Variants in TMC1 observed in about 807,000 individuals in gnomAD.
TMC1 encodes the protein transmembrane channel like 1.
A neutral mutation model predicts 105.8 loss-of-function variants in TMC1; 84 were observed. The ratio of observed to expected loss-of-function variants is 0.79; its 90% confidence interval spans 0.67 to 0.95. The LOEUF (loss-of-function observed/expected upper bound fraction) is 0.95, where lower values mean the gene tolerates loss of function less well. Among genes scored for constraint, TMC1 ranks in the 40% least tolerant of loss-of-function variants. The pLI is 0.00. For missense variants in TMC1, 817 were observed against 914.1 expected, an observed-to-expected ratio of 0.89 and a Z score of 1.37; for synonymous variants, 315 against 311.5, an observed-to-expected ratio of 1.01 and a Z score of -0.12.
At position 72,720,610 on chromosome 9, in the gene TMC1, C is replaced by G. The variant is rs140502204; in HGVS notation, c.363-19509C>G. Among the ~76,000 whole-genome samples, 214 of 152,278 alleles carry G rather than the reference C, an allele frequency of 1.4e-3. 1 individual carries two copies. The highest frequency in any genetic ancestry group is 0.014 in the Middle Eastern group (4 of 294). On this transcript the variant is annotated intron_variant, in intron 8 of 23. Transcript: ENST00000297784. ...GAATGAATGACACAGGACAAGTACG[C>G]CTGATCATAGCAGTAGCTTGTGATT...
At chr9:72,795,346 TG>T (rs1828346608) in intron 17 of TMC1, among the ~76,000 whole-genome samples, 1 of 152,100 alleles carries the variant, frequency 6.6e-6, no homozygotes, top group South Asian at 2.1e-4. Flanking sequence ...AACACACAAT[TG>T]TCAGGTTTTC....
chr9:72,768,779 G>A (rs1452083941), intron 12 of TMC1, among the ~76,000 whole-genome samples: 1 of 152,174 alleles, frequency 6.6e-6, no homozygotes, highest in Non-Finnish European at 1.5e-5. Context: ...CTCACCAGAT[G>A]CTTGTTCTAT....
In TMC1 at chr9:72,836,213, T is replaced by A; in HGVS notation, c.*240T>A. On this transcript the variant is annotated 3_prime_UTR_variant, in exon 24 of 24. Coordinates refer to ENST00000297784, the MANE Select transcript of TMC1 (RefSeq NM_138691.3). ...AGAGCCACTCTCTCCCCTGCTCCAT[T>A]TCGTGACTTTTTTTTTTTTTTTAAC... 2 of 566,628 alleles carry A rather than the reference T, an allele frequency of 3.5e-6. No homozygotes were observed. Among genetic ancestry groups the A allele is most frequent in the Non-Finnish European group, 6.3e-6 (2 of 318,340 alleles). The allele number at this position is 566,628 out of a possible 1,614,324, so 35.1% of individuals were successfully genotyped here.
chr9:72,656,220 T>C, intron 5 of TMC1: 2 of 499,000 alleles, frequency 4.0e-6, no homozygotes, highest in South Asian at 1.7e-5. Flanking sequence ...CTGACCTACT[T>C]GTTCCGGCAA....
intron 8 of TMC1, among the ~76,000 whole-genome samples, chr9:72,717,520 C>T (rs1322590610): frequency 6.6e-6 from 1 of 152,098 alleles, no homozygotes; most frequent in Non-Finnish European, 1.5e-5. Context: ...ATTCTCTTGG[C>T]CTTTGTCTGA....
chr9:72,615,765 T>C (rs1454743276), intron 2 of TMC1, among the ~76,000 whole-genome samples: 1 of 151,934 alleles, frequency 6.6e-6, no homozygotes, highest in Non-Finnish European at 1.5e-5. Flanking sequence ...TTTTTTTTTT[T>C]TTCTTCGAGA....
intron 1 of TMC1, among the ~76,000 whole-genome samples, chr9:72,549,298 T>A (rs1170937331): frequency 1.3e-5 from 2 of 152,320 alleles, no homozygotes; most frequent in East Asian, 1.9e-4. Flanking sequence ...AGTTTCACTA[T>A]GTTGCCCAGG....
At chr9:72,641,644 C>T (rs545546935) in intron 4 of TMC1, among the ~76,000 whole-genome samples, 1 of 148,318 alleles carries the variant, frequency 6.7e-6, no homozygotes, top group Non-Finnish European at 1.5e-5. Context: ...TGAACAACTG[C>T]AGAAACCTTG....
At chr9:72,697,218 C>T (rs940730857) in intron 7 of TMC1, among the ~76,000 whole-genome samples, 1 of 152,026 alleles carries the variant, frequency 6.6e-6, no homozygotes. Context: ...CTGAGCAATC[C>T]AGAAAAGTTT....
At position 72,740,042 on chromosome 9, in the gene TMC1, C is replaced by T. The variant is rs543884978; in HGVS notation, c.363-77C>T. The T allele has an allele frequency of 1.6e-5, 18 of 1,139,922 alleles. No homozygotes were observed. In the African/African-American group the frequency reaches 2.1e-4, roughly 14 times the overall value. The allele number at this position is 1,139,922 out of a possible 1,614,324, so 70.6% of individuals were successfully genotyped here. On this transcript the variant is annotated intron_variant, in intron 8 of 23. Transcript: ENST00000297784. ...AATAAGACTGCAGACCTGGTAAATT[C>T]AAATGTCCACTACTTCTGTATTCTA... is the stretch of plus-strand genomic sequence containing the variant.
At chr9:72,764,027 G>C (rs1588071783) in intron 12 of TMC1, among the ~76,000 whole-genome samples, 1 of 152,114 alleles carries the variant, frequency 6.6e-6, no homozygotes, top group Non-Finnish European at 1.5e-5. Flanking sequence ...TAAAGGATGA[G>C]CCATTGAGTT....
At chr9:72,824,324 G>A (rs1211653270) in intron 20 of TMC1, among the ~76,000 whole-genome samples, 1 of 152,228 alleles carries the variant, frequency 6.6e-6, no homozygotes, top group Non-Finnish European at 1.5e-5. Context: ...CTCATCATGT[G>A]GGGCAGCTGC....
intron 2 of TMC1, among the ~76,000 whole-genome samples, chr9:72,615,188 G>A (rs961077747): frequency 6.6e-6 from 1 of 151,972 alleles, no homozygotes; most frequent in East Asian, 1.9e-4. Context: ...TATGTGTCAG[G>A]CAATATACTA....
intron 18 of TMC1, among the ~76,000 whole-genome samples, chr9:72,806,717 A>G (rs1828600444): frequency 6.7e-6 from 1 of 149,544 alleles, no homozygotes; most frequent in African/African-American, 2.5e-5. Context: ...GTGGCCGGGA[A>G]GAGGTGCTCC....
At chr9:72,805,150 C>T in intron 17 of TMC1, 1 of 387,628 alleles carries the variant, frequency 2.6e-6, no homozygotes, top group Non-Finnish European at 4.7e-6. Context: ...TATGAAATTT[C>T]TCAGTAAGAA....
At chr9:72,648,565 A>C in intron 4 of TMC1, 32 bp from the exon 5 acceptor site, 1 of 1,291,718 alleles carries the variant, frequency 7.7e-7, no homozygotes, top group South Asian at 1.2e-5. Flanking sequence ...GTGCTAGATC[A>C]AACCTGAAAT....
At chr9:72,766,968 G>A (rs968841258) in intron 12 of TMC1, among the ~76,000 whole-genome samples, 6 of 152,202 alleles carry the variant, frequency 3.9e-5, no homozygotes, top group African/African-American at 1.4e-4. Context: ...CAAGGCCCGG[G>A]CTGGCTGCTG....
intron 6 of TMC1, 125 bp from the exon 7 acceptor site, chr9:72,694,418 G>A (rs1826515890): frequency 2.6e-6 from 2 of 777,598 alleles, no homozygotes; most frequent in South Asian, 1.6e-5. Context: ...ATCCCATCAC[G>A]ATGTGGAGAA....
chr9:72,708,111 C>G (rs1019503854), intron 8 of TMC1, among the ~76,000 whole-genome samples: 1 of 152,152 alleles, frequency 6.6e-6, no homozygotes, highest in African/African-American at 2.4e-5. Flanking sequence ...CTATTCTATT[C>G]CATTGGTCTA....
Sources: allele counts gnomAD v4.1 joint callset (sites outside exome capture counted in the v4.1 genomes callset), GRCh38; gene constraint gnomAD v4.1.1; transcripts MANE v1.5; gene names NCBI Gene and HGNC (gene_info 2026-07-23, HGNC 2026-07-21).